Variants in STOX2 observed in about 807,000 individuals in gnomAD.
STOX2 encodes the protein storkhead-box protein 2.
Under a neutral mutation model 60.9 loss-of-function variants are expected in STOX2, and 28 were observed. The ratio of observed to expected loss-of-function variants is 0.46; its 90% CI spans 0.34 to 0.63. STOX2 has a LOEUF of 0.63. Ranked by LOEUF, STOX2 falls within the 30% of genes least tolerant of loss-of-function variation. STOX2 has a pLI of 0.01. For synonymous variants in STOX2, 472 were observed against 463.9 expected (o/e 1.02, Z -0.22); for missense variants, 1,024 against 1,187.7 (o/e 0.86, Z 2.03).
At chr4:183,938,966 A>G (rs1185923365) in intron 1 of STOX2, among the ~76,000 whole-genome samples, 1 of 152,238 alleles carries the variant, frequency 6.6e-6, no homozygotes, top group African/African-American at 2.4e-5. Context: ...TATTAAATGA[A>G]TGATTTTAAA....
intron 1 of STOX2, among the ~76,000 whole-genome samples, chr4:183,957,231 T>A (rs1419855138): frequency 6.6e-6 from 1 of 151,584 alleles, no homozygotes; most frequent in African/African-American, 2.4e-5. Flanking sequence ...GTCTCATTGA[T>A]GATACTAAGT....
intron 1 of STOX2, among the ~76,000 whole-genome samples, chr4:183,946,385 A>G (rs1048287571): frequency 1.3e-5 from 2 of 152,190 alleles, no homozygotes; most frequent in African/African-American, 4.8e-5. Flanking sequence ...TAATAAGTAC[A>G]GTCATGCCTC....
chr4:183,985,540 G>T (rs1459256590), intron 1 of STOX2, among the ~76,000 whole-genome samples: 1 of 152,292 alleles, frequency 6.6e-6, no homozygotes, highest in African/African-American at 2.4e-5. Context: ...TTGTGAAGAT[G>T]ATGTGAGTTT....
At chr4:183,818,923 G>A (rs1739228697) in intron 1 of STOX2, among the ~76,000 whole-genome samples, 2 of 152,166 alleles carry the variant, frequency 1.3e-5, no homozygotes, top group Admixed American at 1.3e-4. Context: ...CGGCCGGGAA[G>A]AGGCGGTCCT....
chr4:184,003,694 T>C (rs974173927), intron 2 of STOX2, among the ~76,000 whole-genome samples: 1 of 152,232 alleles, frequency 6.6e-6, no homozygotes, highest in Non-Finnish European at 1.5e-5. Context: ...CCTTATGCGA[T>C]AGTGGCAGAG....
intron 1 of STOX2, among the ~76,000 whole-genome samples, chr4:183,874,943 AAAAAAAAAAATATATATATATATATATAT>A (rs1439873655): frequency 3.3e-5 from 3 of 91,972 alleles, no homozygotes; most frequent in African/African-American, 1.3e-4. Context: ...AAAAAAAAAA[AAAAAAAAAAATATATATATATATATATAT>A]ATATATATAT....
intron 1 of STOX2, among the ~76,000 whole-genome samples, chr4:183,936,121 CT>C (rs11340666): frequency 0.011 from 1,743 of 152,342 alleles, 37 homozygotes; most frequent in African/African-American, 0.04. Context: ...TTCACCACCC[CT>C]AATCCAACTT....
rs926128370 is a variant in STOX2 at position 183,876,965 on chromosome 4, G to A, written c.364+78910G>A. 2.0e-5 allele frequency among the ~76,000 whole-genome samples: 3 copies of A among 152,232 alleles called. No individual in the cohort carries two copies. The East Asian group carries it at 5.8e-4, about 29-fold the overall frequency. On this transcript the variant is annotated intron_variant, in intron 1 of 2. Transcript: ENST00000513034. The stretch of plus-strand genomic sequence containing the variant: ...CGTGCCGTTCAGTCTTTGTGTTGGG[G>A]AGGGTCTTGGAGAATGTGTGGCCCC...
At chr4:183,867,973 G>A (rs1333710044) in intron 1 of STOX2, among the ~76,000 whole-genome samples, 1 of 152,196 alleles carries the variant, frequency 6.6e-6, no homozygotes, top group Non-Finnish European at 1.5e-5. Flanking sequence ...TTCCTGTAGT[G>A]TAAAATTTGC....
Position 184,010,786 on chromosome 4 carries a change from C to A in STOX2, c.1948C>A (p.Pro650Thr), listed in dbSNP as rs763315061. Reference protein sequence around the residue: ...DRQVPHSSREPVGHKEESPKG... With the variant: ...DRQVPHSSRETVGHKEESPKG... Reference sequence around the variant, plus strand: ...GCAGGTCCCCCACTCCTCCAGGGAGCCTGTGGGGCACAAGGAGGAGTCACC... The same window carrying A: ...GCAGGTCCCCCACTCCTCCAGGGAGACTGTGGGGCACAAGGAGGAGTCACC... Residue 650 changes from proline to threonine, a missense_variant, in exon 3 of 4, where the codon CCT becomes ACT. By Grantham distance (38) the Pro-to-Thr change is conservative (BLOSUM62 -1). Transcript: ENST00000308497. This position sits in a 1 kb window ranked among gnomAD's most constrained non-coding sequence, Gnocchi z 4.5. 4 of 1,579,626 alleles carry A rather than the reference C, an allele frequency of 2.5e-6. No homozygotes were observed. In the African/African-American group the frequency reaches 4.1e-5, roughly 16 times the overall value.
intron 1 of STOX2, among the ~76,000 whole-genome samples, chr4:183,885,391 G>A (rs944809155): frequency 6.6e-6 from 1 of 152,168 alleles, no homozygotes; most frequent in African/African-American, 2.4e-5. Context: ...CAGCTGTTTT[G>A]TAGGGCTGAA....
chr4:183,860,733 T>C (rs373785130), intron 1 of STOX2, among the ~76,000 whole-genome samples: 2 of 152,240 alleles, frequency 1.3e-5, no homozygotes, highest in African/African-American at 4.8e-5. Flanking sequence ...ATTTATTTGA[T>C]AATGTTTGTG....
intron 1 of STOX2, among the ~76,000 whole-genome samples, chr4:183,983,496 C>T (rs1319775010): frequency 6.6e-6 from 1 of 152,198 alleles, no homozygotes; most frequent in Non-Finnish European, 1.5e-5. Context: ...ATTGTTTTCT[C>T]CCCGACTGGT....
chr4:183,896,275 G>A (rs750535920), intron 1 of STOX2, among the ~76,000 whole-genome samples: 5 of 152,232 alleles, frequency 3.3e-5, no homozygotes, highest in Non-Finnish European at 7.3e-5. Context: ...GTGGCAGTGA[G>A]TTACAGAAGG....
At chr4:183,975,397 ATCTGG>A (rs1295797774) in intron 1 of STOX2, among the ~76,000 whole-genome samples, 13 of 152,316 alleles carry the variant, frequency 8.5e-5, no homozygotes, top group African/African-American at 3.1e-4. Flanking sequence ...AAAATTAAAA[ATCTGG>A]TTTTTTAAGT....
intron 1 of STOX2, among the ~76,000 whole-genome samples, chr4:183,962,786 G>T (rs1224203336): frequency 1.3e-5 from 2 of 152,184 alleles, no homozygotes; most frequent in African/African-American, 2.4e-5. Flanking sequence ...TAAAAAATAT[G>T]ACCCTTTAGG....
In STOX2 at chr4:183,866,457, C is replaced by T. The variant is rs1740570226; in HGVS notation, c.364+68402C>T. ...TAGGATGCTTCAGCCTTCAGAGCTG[C>T]AGGGCATCTGATTTAAGAGCCATCT... is the stretch of plus-strand genomic sequence containing the variant. On this transcript the variant is annotated intron_variant, in intron 1 of 2. Coordinates refer to the STOX2 transcript ENST00000513034. Among the ~76,000 whole-genome samples the T allele has an allele frequency of 5.9e-5, 9 of 152,196 alleles. 2 individuals are homozygous for T. The South Asian group carries it at 1.5e-3, about 25-fold the overall frequency.
At chr4:183,982,330 A>T (rs1174310035) in intron 1 of STOX2, among the ~76,000 whole-genome samples, 1 of 152,196 alleles carries the variant, frequency 6.6e-6, no homozygotes, top group African/African-American at 2.4e-5. Context: ...TGTATTTTTT[A>T]AAAGTATTTC....
At chr4:183,887,464 G>T (rs976768883) in intron 1 of STOX2, among the ~76,000 whole-genome samples, 1 of 152,160 alleles carries the variant, frequency 6.6e-6, no homozygotes, top group Admixed American at 6.5e-5. Flanking sequence ...TGTCCAAAAG[G>T]TACTGTGTGA....
Sources: allele counts gnomAD v4.1 joint callset (sites outside exome capture counted in the v4.1 genomes callset), GRCh38; gene constraint gnomAD v4.1.1; non-coding constraint Gnocchi (gnomAD v3.1); transcripts MANE v1.5; gene names NCBI Gene and HGNC (gene_info 2026-07-23, HGNC 2026-07-21).